Variants in TNFSF4 observed in about 807,000 individuals in gnomAD.
The protein encoded by TNFSF4 is tumor necrosis factor ligand superfamily member 4.
A neutral mutation model predicts 7.3 loss-of-function variants in TNFSF4; 4 were observed. The ratio of observed to expected loss-of-function variants is 0.55; its 90% CI spans 0.27 to 1.25. TNFSF4 has a LOEUF of 1.25. Among genes scored for constraint, TNFSF4 ranks in the 50% most tolerant of loss-of-function variants. The pLI, the probability that TNFSF4 is intolerant of heterozygous loss-of-function variation, is 0.12. For missense variants in TNFSF4, 181 were observed against 208.8 expected, an observed-to-expected ratio of 0.87 and a Z score of 0.82; for synonymous variants, 76 against 83.7, an observed-to-expected ratio of 0.91 and a Z score of 0.50.
the TNFSF4 span, among the ~76,000 whole-genome samples, chr1:173,292,615 A>G: frequency 1.3e-5 from 2 of 151,982 alleles, no homozygotes; most frequent in African/African-American, 4.8e-5. Context: ...CATCTATTCA[A>G]CGTAGTACTG....
chr1:173,309,215 A>AT, the TNFSF4 span, among the ~76,000 whole-genome samples: 2 of 151,820 alleles, frequency 1.3e-5, no homozygotes, highest in Admixed American at 6.6e-5. Context: ...CTTCATTTGC[A>AT]TTTTTTGTCT....
At chr1:173,302,429 T>C in the TNFSF4 span, among the ~76,000 whole-genome samples, 1 of 151,884 alleles carries the variant, frequency 6.6e-6, no homozygotes, top group Admixed American at 6.6e-5. Flanking sequence ...TAAACCAGCA[T>C]ATGTGAAAGA....
At chr1:173,402,050 C>A in the TNFSF4 span, among the ~76,000 whole-genome samples, 1 of 152,136 alleles carries the variant, frequency 6.6e-6, no homozygotes. Flanking sequence ...GGCTTCTTTA[C>A]AATGATATTT....
At chr1:173,427,953 CT>C in the TNFSF4 span, among the ~76,000 whole-genome samples, 79,423 of 133,378 alleles carry the variant, frequency 0.6, 23,282 homozygotes, top group South Asian at 0.74. Flanking sequence ...CCATTATAAT[CT>C]TTTTTTTTTT....
the TNFSF4 span, among the ~76,000 whole-genome samples, chr1:173,280,371 T>C: frequency 6.6e-6 from 1 of 152,140 alleles, no homozygotes; most frequent in Non-Finnish European, 1.5e-5. Context: ...GTCTGTGTCC[T>C]TCATTTTCAT....
At chr1:173,247,255 T>TA in the TNFSF4 span, among the ~76,000 whole-genome samples, 804 of 152,056 alleles carry the variant, frequency 5.3e-3, 14 homozygotes, top group African/African-American at 0.018. Context: ...ACCCTTAACA[T>TA]AAAAAATGAA....
chr1:173,199,900 T>A (rs1649869919), intron 1 of TNFSF4, among the ~76,000 whole-genome samples: 2 of 152,196 alleles, frequency 1.3e-5, no homozygotes, highest in Admixed American at 6.5e-5. Context: ...ACTGAATTAG[T>A]ACTAGAATTC....
the TNFSF4 span, among the ~76,000 whole-genome samples, chr1:173,331,343 C>A: frequency 1.3e-5 from 2 of 152,162 alleles, no homozygotes; most frequent in East Asian, 3.8e-4. Flanking sequence ...TTTTGGTTTT[C>A]TTGGAAAACA....
chr1:173,422,694 A>G, the TNFSF4 span, among the ~76,000 whole-genome samples: 2 of 152,324 alleles, frequency 1.3e-5, no homozygotes, highest in South Asian at 4.2e-4. Context: ...ACTTAAAACA[A>G]CAAAGTGTGT....
At chr1:173,341,113 T>C in the TNFSF4 span, among the ~76,000 whole-genome samples, 1 of 151,810 alleles carries the variant, frequency 6.6e-6, no homozygotes, top group South Asian at 2.1e-4. Context: ...TCTGCCATGA[T>C]TGTAAGTTTC....
At chr1:173,438,882 G>A in the TNFSF4 span, among the ~76,000 whole-genome samples, 5 of 152,176 alleles carry the variant, frequency 3.3e-5, no homozygotes, top group African/African-American at 1.2e-4. Flanking sequence ...CTTTCATTTA[G>A]CATGTATCTT....
chr1:173,389,538 T>A, the TNFSF4 span, among the ~76,000 whole-genome samples: 2 of 152,078 alleles, frequency 1.3e-5, no homozygotes, highest in East Asian at 3.8e-4. Context: ...CATACACATA[T>A]ACAAAAACAT....
the TNFSF4 span, among the ~76,000 whole-genome samples, chr1:173,412,514 A>C: frequency 6.6e-6 from 1 of 152,374 alleles, no homozygotes; most frequent in African/African-American, 2.4e-5. Context: ...ATTTGAACTA[A>C]TATTCCTAAA....
At chr1:173,257,533 C>A in the TNFSF4 span, among the ~76,000 whole-genome samples, 1 of 152,236 alleles carries the variant, frequency 6.6e-6, no homozygotes, top group Admixed American at 6.5e-5. Context: ...TTTCCACTAT[C>A]CTGTCAGGTT....
At chr1:173,279,497 A>G in the TNFSF4 span, among the ~76,000 whole-genome samples, 6 of 152,098 alleles carry the variant, frequency 3.9e-5, no homozygotes, top group Non-Finnish European at 7.4e-5. Flanking sequence ...GCAGCTTCAC[A>G]TATCCAACTG....
At chr1:173,418,809 TC>T in the TNFSF4 span, among the ~76,000 whole-genome samples, 2 of 151,832 alleles carry the variant, frequency 1.3e-5, no homozygotes, top group African/African-American at 4.8e-5. Context: ...TAAACAGAGA[TC>T]CCAACATGTC....
the TNFSF4 span, among the ~76,000 whole-genome samples, chr1:173,318,564 C>A: frequency 6.6e-6 from 1 of 152,202 alleles, no homozygotes; most frequent in Non-Finnish European, 1.5e-5. Flanking sequence ...TTTCAAATTT[C>A]AACCTCATCA....
chr1:173,329,354 T>C, the TNFSF4 span, among the ~76,000 whole-genome samples: 2 of 152,188 alleles, frequency 1.3e-5, no homozygotes, highest in Non-Finnish European at 2.9e-5. Context: ...ATACTTGTTA[T>C]GCTGTATTGT....
the TNFSF4 span, among the ~76,000 whole-genome samples, chr1:173,328,914 C>CCACCA: frequency 5.3e-5 from 8 of 152,136 alleles, no homozygotes; most frequent in Non-Finnish European, 1.2e-4. Context: ...CCCAGTAATT[C>CCACCA]CACCACACGT....
Sources: gnomAD v4.1 joint callset for allele counts (sites outside exome capture counted in the v4.1 genomes callset) on GRCh38, gnomAD v4.1.1 for gene constraint, MANE v1.5 for transcripts, NCBI Gene and HGNC (gene_info 2026-07-23, HGNC 2026-07-21) for gene names.